SYNE1: variants seen among roughly 807,000 people sequenced by gnomAD.
SYNE1 encodes the protein nesprin-1.
A neutral mutation model predicts 1,111.0 loss-of-function variants in SYNE1; 616 were observed. The ratio of observed to expected loss-of-function variants is 0.55; its 90% confidence interval spans 0.52 to 0.59. The LOEUF is 0.59. Among genes scored for constraint, SYNE1 ranks in the 20% least tolerant of loss-of-function variants. The pLI is 0.00. For synonymous variants in SYNE1, 3,855 were observed against 3,825.8 expected (o/e 1.01, Z -0.28); for missense variants, 10,006 against 10,417.0 (o/e 0.96, Z 1.72).
At chr6:152,632,493 G>A (rs1293784210) in intron 2 of SYNE1, among the ~76,000 whole-genome samples, 1 of 152,116 alleles carries the variant, frequency 6.6e-6, no homozygotes, top group East Asian at 1.9e-4. Context: ...GGTAATAAAA[G>A]GAGACTGGGA....
chr6:152,189,437 C>G (rs367651583), intron 127 of SYNE1, 30 bp from the exon 128 acceptor site: 1 of 1,610,062 alleles, frequency 6.2e-7, no homozygotes, highest in South Asian at 1.1e-5. Context: ...TGAATACCCA[C>G]GGACATCTCC....
intron 96 of SYNE1, 61 bp from the exon 97 acceptor site, chr6:152,282,041 A>C (rs1170221324): frequency 6.3e-5 from 98 of 1,552,828 alleles, no homozygotes; most frequent in Middle Eastern, 3.6e-4. Flanking sequence ...AGAATTTAAC[A>C]CAGTAAAGCA....
chr6:152,174,355 C>T (rs1183238544), intron 130 of SYNE1, among the ~76,000 whole-genome samples: 3 of 152,166 alleles, frequency 2.0e-5, no homozygotes, highest in African/African-American at 4.8e-5. Flanking sequence ...TTAAAATATA[C>T]ATTTGTTGAA....
rs41292874 is a variant in SYNE1 at position 152,365,201 on chromosome 6, C to T, written c.9973-182G>A. 9.8e-3 allele frequency among the ~76,000 whole-genome samples: 1,485 copies of T among 152,224 alleles called. 15 individuals carry two copies. Among genetic ancestry groups the T allele is most frequent in the Middle Eastern group, 0.014 (4 of 294 alleles). Reference sequence around the variant, plus strand: ...TGGTGAATGCCAGTCACCAGCTACCCGCTGGTTTTTACTAAGTGGCCTTGG... The same window carrying T: ...TGGTGAATGCCAGTCACCAGCTACCTGCTGGTTTTTACTAAGTGGCCTTGG... On this transcript the variant is annotated intron_variant, in intron 62 of 145. Transcript: ENST00000367255.
chr6:152,342,693 C>T (rs1393893928), intron 74 of SYNE1, among the ~76,000 whole-genome samples: 2 of 152,164 alleles, frequency 1.3e-5, no homozygotes, highest in African/African-American at 2.4e-5. Context: ...CTAAATTCCT[C>T]TAAAATATTT....
chr6:152,482,611 C>A (rs959204654), intron 14 of SYNE1, among the ~76,000 whole-genome samples: 1 of 151,960 alleles, frequency 6.6e-6, no homozygotes, highest in Non-Finnish European at 1.5e-5. Context: ...TTAAAACATC[C>A]CAAATGACTA....
At chr6:152,551,204 A>G (rs567213808) in intron 3 of SYNE1, among the ~76,000 whole-genome samples, 2 of 152,294 alleles carry the variant, frequency 1.3e-5, no homozygotes, top group East Asian at 1.9e-4. Context: ...CATGTTTTGT[A>G]TACATTTCTC....
chr6:152,623,610 G>A (rs1166599170), intron 3 of SYNE1, among the ~76,000 whole-genome samples: 1 of 152,140 alleles, frequency 6.6e-6, no homozygotes, highest in Non-Finnish European at 1.5e-5. Context: ...GAAAATTTTT[G>A]CAAACTATGC....
chr6:152,532,518 A>C lies in SYNE1; in HGVS notation c.130-6343T>G, dbSNP rs375680295. 6.6e-5 allele frequency among the ~76,000 whole-genome samples: 10 copies of C among 152,350 alleles called. No homozygotes were observed. The East Asian group carries it at 1.7e-3, about 26-fold the overall frequency. On this transcript the variant is annotated intron_variant, in intron 4 of 145. Transcript: ENST00000367255. ...CAGAAAATGCTTAGAAGAATAGCGC[A>C]TGCCACAGTTAAGTATTTACTTCAG... is the stretch of plus-strand genomic sequence containing the variant.
chr6:152,149,522 G>C lies in SYNE1; in HGVS notation c.24597C>G (p.Val8199=). 2 of 1,614,156 alleles carry C rather than the reference G, an allele frequency of 1.2e-6. No homozygotes were observed. Among genetic ancestry groups the C allele is most frequent in the Non-Finnish European group, 1.7e-6 (2 of 1,180,038 alleles). ...LDELRRYCQE[V]FGRVERYHKK... is the part of the protein sequence containing the mutation. ...TATGGTATCTTTCCACACGCCCGAA[G>C]ACCTCCTGGCAGTACCGTCGGAGCT... Residue 8199 remains valine (V), a synonymous_variant, in exon 136 of 146, where the codon GTC becomes GTG. Coordinates refer to ENST00000367255, the MANE Select transcript of SYNE1 (RefSeq NM_182961.4).
chr6:152,558,927 ATAATATAT>A (rs2099384648), intron 3 of SYNE1, among the ~76,000 whole-genome samples: 1 of 152,062 alleles, frequency 6.6e-6, no homozygotes, highest in African/African-American at 2.4e-5. Context: ...TCCAGGATAG[ATAATATAT>A]TAATATATTA....
chr6:152,336,616 G>T (rs2096395677), intron 76 of SYNE1: 1 of 602,378 alleles, frequency 1.7e-6, no homozygotes. Context: ...TGGAGTTCAG[G>T]CATTAATGCT....
chr6:152,179,186 T>A (rs1332896641), intron 129 of SYNE1: 1 of 152,140 alleles, frequency 6.6e-6, no homozygotes, highest in African/African-American at 2.4e-5. Flanking sequence ...AGTGCTGGGA[T>A]TACAGGCGTG....
At chr6:152,286,800 T>A (rs2094353080) in intron 95 of SYNE1, among the ~76,000 whole-genome samples, 1 of 152,226 alleles carries the variant, frequency 6.6e-6, no homozygotes, top group African/African-American at 2.4e-5. Context: ...TAATATCTGT[T>A]GATGGAAAGA....
chr6:152,484,776 G>T, intron 13 of SYNE1, 59 bp downstream of exon 13: 3 of 1,581,688 alleles, frequency 1.9e-6, no homozygotes, highest in East Asian at 4.5e-5. Flanking sequence ...AATAGATGAT[G>T]AAAAATATTC....
rs1423086590 is a variant in SYNE1, at chr6:152,331,759, T to C, written c.12926A>G (p.Asp4309Gly). 1 of 1,614,230 alleles carries C rather than the reference T, an allele frequency of 6.2e-7. No individual in the cohort carries two copies. The highest frequency in any genetic ancestry group is 1.1e-5 in the South Asian group (1 of 91,086). Residue 4309 changes from aspartate (D) to glycine (G), a missense_variant, in exon 78 of 146, where the codon GAT becomes GGT. Asp to Gly is a moderately conservative substitution (Grantham distance 94). Coordinates refer to ENST00000367255, the MANE Select transcript of SYNE1 (RefSeq NM_182961.4). Reference sequence around the variant, plus strand: ...CTGTTCTTTGACTAACTCCTTGTCATCTAAATTCAGATGCTCTATCATTTT... The same window carrying C: ...CTGTTCTTTGACTAACTCCTTGTCACCTAAATTCAGATGCTCTATCATTTT... Reference protein sequence around the residue: ...KQKMIEHLNLDDKELVKEQTS... With the variant: ...KQKMIEHLNLGDKELVKEQTS...
intron 25 of SYNE1, among the ~76,000 whole-genome samples, chr6:152,452,230 C>T (rs1275757894): frequency 3.3e-5 from 5 of 152,018 alleles, no homozygotes; most frequent in Admixed American, 6.5e-5. Flanking sequence ...ACCTTTGAAA[C>T]AGAATACTAA....
At position 152,447,457 on chromosome 6, in the gene SYNE1, C is replaced by CCT; in HGVS notation, c.3668_3669dup (p.Val1224ArgfsTer6). 6.2e-7 allele frequency: 1 copy of CCT among 1,614,134 alleles called. No individual in the cohort carries two copies. The highest frequency in any genetic ancestry group is 8.5e-7 in the Non-Finnish European group (1 of 1,180,010). ...GTTTAGAGTGTGAGTAAATGCTGTA[C>CCT]CTCTGACAGCAGCGTCACAAGAGCC... On this transcript the variant is annotated frameshift_variant and splice_region_variant. Coordinates refer to ENST00000367255, the MANE Select transcript of SYNE1 (RefSeq NM_182961.4). LOFTEE classifies it high-confidence loss of function.
chr6:152,405,752 C>A (rs962988334), intron 45 of SYNE1, among the ~76,000 whole-genome samples: 1 of 152,142 alleles, frequency 6.6e-6, no homozygotes, highest in African/African-American at 2.4e-5. Flanking sequence ...ACTGCGGTAT[C>A]CATCACCCCT....
Sources: allele counts gnomAD v4.1 joint callset (sites outside exome capture counted in the v4.1 genomes callset), GRCh38; gene constraint gnomAD v4.1.1; transcripts MANE v1.5; gene names NCBI Gene and HGNC (gene_info 2026-07-23, HGNC 2026-07-21).